Variants in REV3L observed in about 807,000 individuals in gnomAD.
REV3L encodes the protein REV3 like, DNA directed polymerase zeta catalytic subunit.
A neutral mutation model predicts 299.4 loss-of-function variants in REV3L; 69 were observed. The observed-to-expected ratio is 0.23, with a 90% CI of 0.19 to 0.28. REV3L has a LOEUF of 0.28. REV3L is among the 10% of genes least tolerant of loss of function. REV3L has a pLI of 1.00. For missense variants in REV3L, 3,128 were observed against 3,693.8 expected (o/e 0.85, Z 3.97); for synonymous variants, 1,238 against 1,271.4 (o/e 0.97, Z 0.56).
At chr6:111,468,520 G>GA (rs891987151) in intron 1 of REV3L, among the ~76,000 whole-genome samples, 6 of 152,076 alleles carry the variant, frequency 3.9e-5, no homozygotes, top group African/African-American at 1.2e-4. Flanking sequence ...TCAAGCATAT[G>GA]AAAAAACACT....
At position 111,482,738 on chromosome 6, in the gene REV3L, G is replaced by A; in HGVS notation, c.139+12C>T. On this transcript the variant is annotated intron_variant, in intron 1 of 31. Coordinates refer to ENST00000368802, the MANE Select transcript of REV3L (RefSeq NM_001372078.1). The stretch of plus-strand genomic sequence containing the variant: ...GACTCCCGCTCCCGCCCCGCGCCCG[G>A]CGCCCGCTTACCTGCCGGGGTCGCT... The A allele has an allele frequency of 7.3e-7, 1 of 1,368,890 alleles. No homozygotes were observed. The highest frequency in any genetic ancestry group is 1.5e-5 in the African/African-American group (1 of 66,294). The allele number at this position is 1,368,890 out of a possible 1,614,324, so 84.8% of individuals were successfully genotyped here. A position where few individuals can be genotyped will look rare whatever the true frequency, so the allele number is the denominator to read the frequency against.
intron 31 of REV3L, among the ~76,000 whole-genome samples, chr6:111,304,788 TTCA>T (rs1014456339): frequency 5.9e-5 from 9 of 152,248 alleles, no homozygotes; most frequent in African/African-American, 2.2e-4. Context: ...ATCCCTAGTG[TTCA>T]TCATTCCCAT....
intron 26 of REV3L, 137 bp downstream of exon 26, chr6:111,322,431 TG>T: frequency 1.5e-6 from 1 of 666,460 alleles, no homozygotes; most frequent in Non-Finnish European, 2.7e-6. Flanking sequence ...GTGTTAACTC[TG>T]ATCATGAGAT....
At chr6:111,339,213 T>C (rs1439419404) in intron 21 of REV3L, among the ~76,000 whole-genome samples, 3 of 152,274 alleles carry the variant, frequency 2.0e-5, no homozygotes. Context: ...TTCTGTGTGT[T>C]GAAGACTCAT....
chr6:111,411,118 T>A (rs1479677919), intron 3 of REV3L, among the ~76,000 whole-genome samples: 1 of 152,146 alleles, frequency 6.6e-6, no homozygotes, highest in East Asian at 1.9e-4. Flanking sequence ...GCCCTCTCAC[T>A]CTGGACTCAC....
At chr6:111,425,741 A>G (rs1012586029) in intron 1 of REV3L, among the ~76,000 whole-genome samples, 4 of 152,120 alleles carry the variant, frequency 2.6e-5, no homozygotes, top group African/African-American at 9.7e-5. Flanking sequence ...CTGGACAAAG[A>G]TTTTAAGCCA....
chr6:111,481,832 GA>G (rs1209026112), intron 1 of REV3L, among the ~76,000 whole-genome samples: 1 of 152,080 alleles, frequency 6.6e-6, no homozygotes, highest in Non-Finnish European at 1.5e-5. Flanking sequence ...TAAGCCCCAG[GA>G]GTTTTTGAGA....
At chr6:111,309,196 G>A (rs188480268) in intron 30 of REV3L, 1 of 152,424 alleles carries the variant, frequency 6.6e-6, no homozygotes. Context: ...TCTCAAGGAT[G>A]GAGGGCTTTC....
chr6:111,325,396 T>C lies in REV3L; in HGVS notation c.8242-2718A>G, dbSNP rs145207228. 1.6e-4 allele frequency among the ~76,000 whole-genome samples: 25 copies of C among 152,364 alleles called. No homozygotes were observed. In the East Asian group the frequency reaches 3.7e-3, roughly 22 times the overall value. ...CCACTATTAGCTACTTTATTCTCCA[T>C]ATTCTCTTCATAGGAATTTTTGCTT... On this transcript the variant is annotated intron_variant, in intron 25 of 31. Transcript: ENST00000368802.
Position 111,351,754 on chromosome 6 carries a change from T to G in REV3L, c.7222A>C (p.Met2408Leu). The G allele has an allele frequency of 1.9e-6, 3 of 1,613,528 alleles. No homozygotes were observed. Among genetic ancestry groups the G allele is most frequent in the Non-Finnish European group, 2.5e-6 (3 of 1,179,622 alleles). The stretch of plus-strand genomic sequence containing the variant: ...TGTAAGAGGTAACCCCAGGAATGCA[T>G]CTGAATCTCATATCCTAGCAGAATA... ...PDILLGYEIQ[M>L]HSWGYLLQRA... Residue 2408 changes from methionine (M) to leucine (L), a missense_variant, in exon 19 of 32, where the codon ATG (methionine) becomes CTG (leucine). Transcript: ENST00000368802.
intron 1 of REV3L, among the ~76,000 whole-genome samples, chr6:111,418,437 T>G (rs1398243515): frequency 6.6e-6 from 1 of 152,204 alleles, no homozygotes; most frequent in Non-Finnish European, 1.5e-5. Flanking sequence ...TCCTGTGAAG[T>G]AGGGACCAGA....
At chr6:111,479,783 T>C (rs1793401843) in intron 1 of REV3L, among the ~76,000 whole-genome samples, 1 of 152,156 alleles carries the variant, frequency 6.6e-6, no homozygotes, top group Non-Finnish European at 1.5e-5. Flanking sequence ...AGTGTTGGGA[T>C]TACAGGCATG....
Position 111,310,068 on chromosome 6 carries a change from G to A in REV3L, c.8827C>T (p.Pro2943Ser). The A allele has an allele frequency of 6.3e-7, 1 of 1,587,996 alleles. No homozygotes were observed. The highest frequency in any genetic ancestry group is 8.6e-7 in the Non-Finnish European group (1 of 1,166,324). The change falls in exon 30 of 32, where the codon CCT (proline) becomes TCT (serine). Residue 2943 changes from proline (P) to serine (S), a missense_variant. Transcript: ENST00000368802. ...TATGGCACTCGCTCCCCAACCTGAGGCTCAGAGCGCCGGTCATAAGTCAGC... is the reference window on the plus strand; with the variant it reads ...TATGGCACTCGCTCCCCAACCTGAGACTCAGAGCGCCGGTCATAAGTCAGC... ...KMLTYDRRSE[P>S]QVGERVPYVI...
chr6:111,428,815 T>G (rs77238846), intron 1 of REV3L, among the ~76,000 whole-genome samples: 1 of 152,142 alleles, frequency 6.6e-6, no homozygotes, highest in East Asian at 1.9e-4. Flanking sequence ...GGCAAAAAGC[T>G]TATTTCAAGA....
chr6:111,400,042 T>C (rs1214094498), intron 4 of REV3L, among the ~76,000 whole-genome samples: 1 of 152,232 alleles, frequency 6.6e-6, no homozygotes, highest in East Asian at 1.9e-4. Context: ...GTCTGGCTTC[T>C]TTCACTTAGT....
intron 4 of REV3L, among the ~76,000 whole-genome samples, chr6:111,396,529 C>T (rs1156736687): frequency 6.6e-6 from 1 of 152,016 alleles, no homozygotes; most frequent in Non-Finnish European, 1.5e-5. Context: ...AGAATTTCCC[C>T]CTCTTCAAAT....
intron 25 of REV3L, 121 bp downstream of exon 25, chr6:111,329,411 T>C (rs1775164196): frequency 2.5e-6 from 2 of 811,854 alleles, no homozygotes; most frequent in African/African-American, 1.7e-5. Context: ...GATTCAACTC[T>C]GGGCTGAAGA....
At chr6:111,364,025 G>A in intron 15 of REV3L, 47 bp from the exon 16 acceptor site, 1 of 1,565,014 alleles carries the variant, frequency 6.4e-7, no homozygotes, top group Non-Finnish European at 8.6e-7. Context: ...AGATACATGA[G>A]CAATCATTTT....
intron 1 of REV3L, among the ~76,000 whole-genome samples, chr6:111,416,832 C>T (rs143886945): frequency 6.6e-6 from 1 of 152,126 alleles, no homozygotes; most frequent in East Asian, 1.9e-4. Flanking sequence ...CAAAAATTCA[C>T]AAAAAGTTTA....
Sources: allele counts gnomAD v4.1 joint callset (sites outside exome capture counted in the v4.1 genomes callset), GRCh38; gene constraint gnomAD v4.1.1; transcripts MANE v1.5; gene names NCBI Gene and HGNC (gene_info 2026-07-23, HGNC 2026-07-21).